Variants in LRRN2 observed in about 807,000 individuals in gnomAD.
LRRN2 encodes the protein leucine-rich repeat neuronal protein 2.
A neutral mutation model predicts 35.7 loss-of-function variants in LRRN2; 10 were observed. The observed-to-expected ratio is 0.28, with a 90% CI of 0.17 to 0.47. The LOEUF is 0.47. Among genes scored for constraint, LRRN2 ranks in the 20% least tolerant of loss-of-function variants. LRRN2 has a pLI of 0.99. For synonymous variants in LRRN2, 391 were observed against 409.6 expected (o/e 0.95, Z 0.55); for missense variants, 731 against 940.3 (o/e 0.78, Z 2.91).
At chr1:204,676,560 TA>T (rs1168932539) in intron 1 of LRRN2, among the ~76,000 whole-genome samples, 1 of 152,136 alleles carries the variant, frequency 6.6e-6, no homozygotes, top group East Asian at 1.9e-4. Flanking sequence ...TGGGGCTCAA[TA>T]ACTTCTATGA....
intron 1 of LRRN2, among the ~76,000 whole-genome samples, chr1:204,682,267 C>T (rs1028773793): frequency 6.6e-5 from 10 of 152,292 alleles, no homozygotes; most frequent in African/African-American, 2.2e-4. Flanking sequence ...TCATTGCCCT[C>T]CCTGCCTCCT....
chr1:204,662,665 A>G (rs1029670562), intron 1 of LRRN2, among the ~76,000 whole-genome samples: 4 of 152,234 alleles, frequency 2.6e-5, no homozygotes, highest in African/African-American at 9.6e-5. Flanking sequence ...TGTTCTATGG[A>G]TGAACAATTG....
At chr1:204,637,356 C>T (rs1376930078) in intron 1 of LRRN2, among the ~76,000 whole-genome samples, 1 of 152,220 alleles carries the variant, frequency 6.6e-6, no homozygotes, top group Non-Finnish European at 1.5e-5. Flanking sequence ...CCTTCTCAAG[C>T]CAGGGCACAT....
intron 1 of LRRN2, among the ~76,000 whole-genome samples, chr1:204,644,600 T>C (rs1172877439): frequency 6.6e-6 from 1 of 152,214 alleles, no homozygotes; most frequent in Non-Finnish European, 1.5e-5. Flanking sequence ...AGTTGTCATC[T>C]CCTTTGTGAC....
At chr1:204,642,398 T>G (rs1363559521) in intron 1 of LRRN2, among the ~76,000 whole-genome samples, 2 of 152,192 alleles carry the variant, frequency 1.3e-5, no homozygotes, top group African/African-American at 2.4e-5. Context: ...GGGACTGACC[T>G]GTGCCAGGAG....
intron 1 of LRRN2, among the ~76,000 whole-genome samples, chr1:204,673,189 A>G (rs1168824829): frequency 6.6e-6 from 1 of 152,232 alleles, no homozygotes; most frequent in Non-Finnish European, 1.5e-5. Context: ...TAGATGTTCA[A>G]TAAACATTTA....
At chr1:204,660,424 C>A (rs1668447798) in intron 1 of LRRN2, among the ~76,000 whole-genome samples, 1 of 152,282 alleles carries the variant, frequency 6.6e-6, no homozygotes, top group Admixed American at 6.5e-5. Flanking sequence ...AGAATGGGGC[C>A]TAGTAAATAG....
chr1:204,618,586 A>C lies in LRRN2; in HGVS notation c.1407T>G (p.His469Gln). The change falls in exon 2 of 2, where the codon CAT becomes CAG. Residue 469 changes from histidine to glutamine, a missense_variant. His to Gln is a conservative substitution (Grantham distance 24). This residue lies in a region of LRRN2 where 256 missense variants were observed against 392.4 expected (regional missense o/e 0.65). Transcript: ENST00000367177. Reference protein sequence around the residue: ...TPAGLRLTPAHAGRRYRVYPE... With the variant: ...TPAGLRLTPAQAGRRYRVYPE... ...GGTACACCCGGTACCTCCTGCCTGC[A>C]TGGGCAGGTGTCAGTCGAAGCCCAG... 6.2e-7 allele frequency: 1 copy of C among 1,613,966 alleles called. No individual in the cohort carries two copies. Among genetic ancestry groups the C allele is most frequent in the Non-Finnish European group, 8.5e-7 (1 of 1,179,978 alleles).
intron 1 of LRRN2, among the ~76,000 whole-genome samples, chr1:204,684,028 A>T (rs554042458): frequency 6.6e-6 from 1 of 152,266 alleles, no homozygotes; most frequent in East Asian, 1.9e-4. Context: ...CAATGGGAGG[A>T]GCTCCTGGCC....
intron 1 of LRRN2, among the ~76,000 whole-genome samples, chr1:204,663,147 A>G (rs992317506): frequency 2.0e-5 from 3 of 152,190 alleles, no homozygotes; most frequent in Admixed American, 6.5e-5. Context: ...AATGGCACCA[A>G]GGAAGCATCA....
At chr1:204,652,438 C>CT (rs11393523) in intron 1 of LRRN2, among the ~76,000 whole-genome samples, 140,268 of 151,896 alleles carry the variant, frequency 0.92, 65,105 homozygotes, top group East Asian at 1. Flanking sequence ...AAAGAAGGAC[C>CT]GAGCTAAAGT....
At chr1:204,627,969 G>C (rs1464276151) in intron 1 of LRRN2, 1 of 152,526 alleles carries the variant, frequency 6.6e-6, no homozygotes, top group Non-Finnish European at 1.5e-5. Flanking sequence ...GGGAAGAAAA[G>C]AAAAGCAAGG....
chr1:204,656,488 C>G (rs562482028), intron 1 of LRRN2, among the ~76,000 whole-genome samples: 1 of 152,252 alleles, frequency 6.6e-6, no homozygotes, highest in South Asian at 2.1e-4. Flanking sequence ...TGTCATCTTT[C>G]TTGTTTTCCA....
At chr1:204,645,981 A>G (rs955718578) in intron 1 of LRRN2, among the ~76,000 whole-genome samples, 1 of 152,202 alleles carries the variant, frequency 6.6e-6, no homozygotes, top group Non-Finnish European at 1.5e-5. Flanking sequence ...CCATATCACT[A>G]TGTTAGCACA....
chr1:204,629,297 C>A, intron 1 of LRRN2: 1 of 152,410 alleles, frequency 6.6e-6, no homozygotes, highest in Non-Finnish European at 1.5e-5. Context: ...ATGCTGCACC[C>A]CTATGTGGTC....
chr1:204,647,677 A>G (rs1668139143), intron 1 of LRRN2, among the ~76,000 whole-genome samples: 2 of 152,156 alleles, frequency 1.3e-5, no homozygotes, highest in Non-Finnish European at 2.9e-5. Flanking sequence ...CAAAGCCCAG[A>G]TGGACGGCTC....
intron 1 of LRRN2, among the ~76,000 whole-genome samples, chr1:204,657,767 C>T (rs545615364): frequency 2.0e-5 from 3 of 152,086 alleles, no homozygotes; most frequent in Non-Finnish European, 4.4e-5. Flanking sequence ...AAAAAGGCCC[C>T]ATGATCTTCT....
intron 1 of LRRN2, among the ~76,000 whole-genome samples, chr1:204,679,862 C>T (rs559137415): frequency 1.3e-5 from 2 of 152,316 alleles, no homozygotes; most frequent in African/African-American, 4.8e-5. Context: ...AAATATCACA[C>T]CCTGCAGGAG....
At chr1:204,629,905 G>A (rs1217685247) in intron 1 of LRRN2, among the ~76,000 whole-genome samples, 1 of 152,118 alleles carries the variant, frequency 6.6e-6, no homozygotes, top group East Asian at 1.9e-4. Flanking sequence ...GTTAAGTATT[G>A]AGCACACATG....
Sources: gnomAD v4.1 joint callset for allele counts (sites outside exome capture counted in the v4.1 genomes callset) on GRCh38, gnomAD v4.1.1 for gene constraint, gnomAD v4.1.1 regional missense constraint, MANE v1.5 for transcripts, NCBI Gene and HGNC (gene_info 2026-07-23, HGNC 2026-07-21) for gene names.